Variants in ZDHHC11B observed in about 807,000 individuals in gnomAD.
ZDHHC11B encodes probable palmitoyltransferase ZDHHC11B.
In ZDHHC11B, 17 loss-of-function variants were observed where a neutral mutation model predicts 42.3. The observed-to-expected ratio is 0.40, with a 90% confidence interval of 0.27 to 0.60. The LOEUF (loss-of-function observed/expected upper bound fraction) is 0.60. Ranked by LOEUF, ZDHHC11B falls within the 20% of genes least tolerant of loss-of-function variation. The pLI is 0.41. For missense variants in ZDHHC11B, 262 were observed against 463.2 expected, an observed-to-expected ratio of 0.57 and a Z score of 3.99; for synonymous variants, 123 against 193.5, an observed-to-expected ratio of 0.64 and a Z score of 3.02.
intron 1 of ZDHHC11B, among the ~76,000 whole-genome samples, chr5:779,404 G>A (rs2150248401): frequency 6.7e-6 from 1 of 149,954 alleles, no homozygotes; most frequent in East Asian, 1.9e-4. Context: ...GGGGAACAAA[G>A]TCTTTGAGGC....
intron 1 of ZDHHC11B, among the ~76,000 whole-genome samples, chr5:771,116 G>A (rs1437760344): frequency 6.6e-6 from 1 of 151,874 alleles, no homozygotes; most frequent in Non-Finnish European, 1.5e-5. Flanking sequence ...ACAGACACAA[G>A]AGCCGGTGGG....
chr5:780,242 T>C (rs1159842264), intron 1 of ZDHHC11B, among the ~76,000 whole-genome samples: 4 of 150,876 alleles, frequency 2.7e-5, no homozygotes, highest in African/African-American at 9.8e-5. Context: ...CACTTCCAGA[T>C]TGACCCAAGA....
intron 4 of ZDHHC11B, among the ~76,000 whole-genome samples, chr5:763,236 G>A (rs1734846538): frequency 6.6e-6 from 1 of 151,502 alleles, no homozygotes; most frequent in South Asian, 2.1e-4. Context: ...GGGCGTGGTG[G>A]CACACACCTG....
At chr5:773,668 A>C (rs1313896644) in intron 1 of ZDHHC11B, among the ~76,000 whole-genome samples, 1 of 151,546 alleles carries the variant, frequency 6.6e-6, no homozygotes, top group Non-Finnish European at 1.5e-5. Context: ...CCCTGCCCCG[A>C]CCCAGGTGCC....
chr5:729,170 C>T (rs1402123200), intron 12 of ZDHHC11B, among the ~76,000 whole-genome samples: 3 of 151,202 alleles, frequency 2.0e-5, no homozygotes, highest in Non-Finnish European at 3.0e-5. Context: ...CAAGCAGCTC[C>T]GAGCCATGAG....
At chr5:773,470 G>C (rs943477135) in intron 1 of ZDHHC11B, among the ~76,000 whole-genome samples, 1 of 151,854 alleles carries the variant, frequency 6.6e-6, no homozygotes, top group Non-Finnish European at 1.5e-5. Context: ...TGTGTGCCCT[G>C]AACCTCCAGG....
intron 1 of ZDHHC11B, among the ~76,000 whole-genome samples, chr5:778,487 AG>A (rs1450431165): frequency 2.0e-5 from 3 of 150,874 alleles, no homozygotes; most frequent in Non-Finnish European, 4.4e-5. Flanking sequence ...CTGCAGAACC[AG>A]GGGCTGGTCC....
chr5:774,295 AGCAGCCCCAGCCTCT>A (rs1178274802), intron 1 of ZDHHC11B, among the ~76,000 whole-genome samples: 1 of 152,152 alleles, frequency 6.6e-6, no homozygotes, highest in Non-Finnish European at 1.5e-5. Flanking sequence ...CTGGGGAAAC[AGCAGCCCCAGCCTCT>A]GATCACAGAG....
At chr5:728,660 T>C (rs1322440100) in intron 12 of ZDHHC11B, among the ~76,000 whole-genome samples, 2 of 152,030 alleles carry the variant, frequency 1.3e-5, no homozygotes, top group African/African-American at 2.4e-5. Flanking sequence ...TTCAAACTGA[T>C]ACAATCAGCA....
chr5:719,182 A>C (rs1356864481), intron 12 of ZDHHC11B, among the ~76,000 whole-genome samples: 1 of 151,826 alleles, frequency 6.6e-6, no homozygotes, highest in Non-Finnish European at 1.5e-5. Flanking sequence ...GAAAATCCAC[A>C]GTCCCAGAGG....
chr5:754,188 T>C (rs1224328816), intron 6 of ZDHHC11B, among the ~76,000 whole-genome samples: 577 of 33,030 alleles, frequency 0.017, 5 homozygotes, highest in East Asian at 0.08. Context: ...ACATCTCTCG[T>C]CTATGAGCCT....
chr5:710,513 A>C lies in ZDHHC11B; in HGVS notation c.*1777T>G. On this transcript the variant is annotated 3_prime_UTR_variant, in exon 14 of 14. Coordinates refer to ENST00000508859, the MANE Select transcript of ZDHHC11B (RefSeq NM_001351303.2). ...TACTAAGATAAGAAGTCTGGGCTAGACTGAAAAACTCAGAATCCAGGTCTG... is the reference window on the plus strand; with the variant it reads ...TACTAAGATAAGAAGTCTGGGCTAGCCTGAAAAACTCAGAATCCAGGTCTG... 1 of 155,076 alleles carries C rather than the reference A, an allele frequency of 6.4e-6. No homozygotes were observed. The highest frequency in any genetic ancestry group is 1.5e-5 in the Non-Finnish European group (1 of 68,218). The allele number at this position is 155,076 out of a possible 1,614,324, so 9.6% of individuals were successfully genotyped here.
intron 4 of ZDHHC11B, among the ~76,000 whole-genome samples, chr5:765,298 T>C (rs1344085991): frequency 1.3e-5 from 2 of 151,504 alleles, no homozygotes; most frequent in Non-Finnish European, 2.9e-5. Flanking sequence ...TGTATCTAGC[T>C]AATCTGGTGG....
At chr5:766,107 A>C (rs1735302573) in intron 4 of ZDHHC11B, among the ~76,000 whole-genome samples, 2 of 151,996 alleles carry the variant, frequency 1.3e-5, no homozygotes, top group South Asian at 4.2e-4. Flanking sequence ...GAGGTAGTGC[A>C]GAGCCCACAT....
intron 11 of ZDHHC11B, among the ~76,000 whole-genome samples, chr5:731,568 G>C (rs1453383864): frequency 1.3e-5 from 2 of 151,464 alleles, no homozygotes; most frequent in Non-Finnish European, 2.9e-5. Context: ...AAACTGAGCT[G>C]TTGTGTATTT....
At chr5:745,774 G>A (rs1744733422) in intron 8 of ZDHHC11B, among the ~76,000 whole-genome samples, 1 of 150,048 alleles carries the variant, frequency 6.7e-6, no homozygotes, top group African/African-American at 2.4e-5. Context: ...GGCGCACCTT[G>A]GGGGATGCAC....
intron 4 of ZDHHC11B, among the ~76,000 whole-genome samples, chr5:759,090 A>C (rs1734233391): frequency 6.6e-6 from 1 of 151,936 alleles, no homozygotes; most frequent in Admixed American, 6.6e-5. Flanking sequence ...AGCAATAAAA[A>C]GTAAAAGAAG....
At chr5:725,325 A>G (rs1742512481) in intron 12 of ZDHHC11B, among the ~76,000 whole-genome samples, 2 of 143,726 alleles carry the variant, frequency 1.4e-5, no homozygotes, top group South Asian at 4.8e-4. Flanking sequence ...AGGGGCTCTC[A>G]TCAGACACCG....
chr5:766,061 G>A (rs1579426453), intron 4 of ZDHHC11B, among the ~76,000 whole-genome samples: 1 of 151,886 alleles, frequency 6.6e-6, no homozygotes, highest in South Asian at 2.1e-4. Flanking sequence ...ACCCTAGGGG[G>A]CCTGGGGTTT....
Sources: gnomAD v4.1 joint callset for allele counts (sites outside exome capture counted in the v4.1 genomes callset) on GRCh38, gnomAD v4.1.1 for gene constraint, MANE v1.5 for transcripts, NCBI Gene and HGNC (gene_info 2026-07-23, HGNC 2026-07-21) for gene names.